TRIM44: variants seen among roughly 807,000 people sequenced by gnomAD.
The protein encoded by TRIM44 is tripartite motif-containing protein 44.
TRIM44 carries 13 observed loss-of-function variants against 37.4 expected under a neutral mutation model. The ratio of observed to expected loss-of-function variants is 0.35; its 90% confidence interval spans 0.23 to 0.55. The LOEUF is 0.55. Ranked by LOEUF, TRIM44 falls within the 20% of genes least tolerant of loss-of-function variation. The probability of loss-of-function intolerance (pLI) is 0.89; values close to 1 mark genes in which losing one functional copy is unlikely to be tolerated. For synonymous variants in TRIM44, 175 were observed against 157.2 expected (o/e 1.11, Z -0.85); for missense variants, 426 against 437.2 (o/e 0.97, Z 0.23).
intron 2 of TRIM44, among the ~76,000 whole-genome samples, chr11:35,700,239 T>C (rs1042470119): frequency 1.3e-5 from 2 of 152,262 alleles, no homozygotes; most frequent in Non-Finnish European, 2.9e-5. Flanking sequence ...TTTATTTCTA[T>C]GTTCAATTTA....
chr11:35,804,618 C>T (rs754824416), intron 4 of TRIM44, among the ~76,000 whole-genome samples: 27 of 152,142 alleles, frequency 1.8e-4, no homozygotes, highest in African/African-American at 5.8e-4. Context: ...GAGAATATGA[C>T]GCCAGTTCCA....
chr11:35,813,674 A>C lies in TRIM44; in HGVS notation c.*7289A>C, dbSNP rs1488894621. ...TCACTGTATCATGGGACAATATTCT[A>C]TTTAAAATGATGACCCTGTGCACCA... On this transcript the variant is annotated 3_prime_UTR_variant, in exon 5 of 5. Transcript: ENST00000299413. 6.6e-6 allele frequency: 1 copy of C among 152,138 alleles called. No homozygotes were observed. The highest frequency in any genetic ancestry group is 1.5e-5 in the Non-Finnish European group (1 of 68,014). 9.4% of individuals were successfully genotyped at this position (152,138 alleles called of 1,614,324 possible).
chr11:35,727,890 T>G (rs1852202215), intron 3 of TRIM44, among the ~76,000 whole-genome samples: 1 of 152,220 alleles, frequency 6.6e-6, no homozygotes, highest in South Asian at 2.1e-4. Flanking sequence ...AATGTCAAGA[T>G]GGTCAGTTTG....
chr11:35,780,495 C>T (rs145245429), intron 4 of TRIM44, among the ~76,000 whole-genome samples: 4 of 152,284 alleles, frequency 2.6e-5, no homozygotes, highest in African/African-American at 9.6e-5. Flanking sequence ...AGGGATTCTA[C>T]ATTGCTTTTT....
chr11:35,705,671 A>C (rs1426364362), intron 2 of TRIM44, among the ~76,000 whole-genome samples: 1 of 148,726 alleles, frequency 6.7e-6, no homozygotes, highest in African/African-American at 2.4e-5. Flanking sequence ...TACTGGGTAC[A>C]TAACAAAATG....
At chr11:35,680,892 A>G (rs1030335132) in intron 1 of TRIM44, among the ~76,000 whole-genome samples, 8 of 151,278 alleles carry the variant, frequency 5.3e-5, no homozygotes, top group African/African-American at 1.9e-4. Flanking sequence ...TGCATTTCAC[A>G]TTTCTATTTT....
At position 35,812,209 on chromosome 11, in the gene TRIM44, A is replaced by G. The variant is rs1220040109; in HGVS notation, c.*5824A>G. 6.6e-6 allele frequency: 1 copy of G among 152,072 alleles called. No individual in the cohort carries two copies. Among genetic ancestry groups the G allele is most frequent in the African/African-American group, 2.4e-5 (1 of 41,366 alleles). The allele number at this position is 152,072 out of a possible 1,614,324, so 9.4% of individuals were successfully genotyped here. A position where few individuals can be genotyped will look rare whatever the true frequency, so the allele number is the denominator to read the frequency against. ...GGTCCAACATGGCCCCATTTCCTTT[A>G]TACTCATAAAAAGGTAGAATTTCAG... On this transcript the variant is annotated 3_prime_UTR_variant, in exon 5 of 5. Coordinates refer to ENST00000299413, the MANE Select transcript of TRIM44 (RefSeq NM_017583.6).
In TRIM44 at chr11:35,662,990, CG is replaced by C; in HGVS notation, c.-120del. ...CCAGGTCCCGCTTCGAGACGCGGCGCGGTCCAGGCGGGAGGCGACTCCCTAG... is the reference window on the plus strand; with the variant it reads ...CCAGGTCCCGCTTCGAGACGCGGCGCGTCCAGGCGGGAGGCGACTCCCTAG... On this transcript the variant is annotated 5_prime_UTR_variant, in exon 1 of 5. Transcript: ENST00000299413. 2.2e-6 allele frequency: 3 copies of C among 1,373,358 alleles called. No individual in the cohort carries two copies. Among genetic ancestry groups the C allele is most frequent in the Non-Finnish European group, 2.8e-6 (3 of 1,068,596 alleles). The allele number at this position is 1,373,358 out of a possible 1,614,324, so 85.1% of individuals were successfully genotyped here.
chr11:35,688,019 A>G (rs1851600728), intron 2 of TRIM44, among the ~76,000 whole-genome samples: 1 of 152,226 alleles, frequency 6.6e-6, no homozygotes, highest in Non-Finnish European at 1.5e-5. Context: ...ACTTAAATAT[A>G]TAATTTCTGC....
chr11:35,669,635 C>G (rs1305389095), intron 1 of TRIM44, among the ~76,000 whole-genome samples: 2 of 151,950 alleles, frequency 1.3e-5, no homozygotes, highest in African/African-American at 4.8e-5. Flanking sequence ...ACCACCATGC[C>G]CAGCTAATTT....
intron 4 of TRIM44, among the ~76,000 whole-genome samples, chr11:35,805,532 G>C (rs1431579077): frequency 6.6e-6 from 1 of 152,140 alleles, no homozygotes; most frequent in Non-Finnish European, 1.5e-5. Flanking sequence ...CTAACATCTG[G>C]AATAACCTGG....
chr11:35,792,111 A>ACTCTCT lies in TRIM44; in HGVS notation c.1008-14243_1008-14238dup, dbSNP rs775490025. Among the ~76,000 whole-genome samples, 367 of 113,874 alleles carry ACTCTCT rather than the reference A, an allele frequency of 3.2e-3. 3 individuals are homozygous for ACTCTCT. Among genetic ancestry groups the ACTCTCT allele is most frequent in the Middle Eastern group, 7.8e-3 (2 of 258 alleles). The allele number at this position is 113,874 out of a possible 152,430, so 74.7% of individuals were successfully genotyped here. A position where few individuals can be genotyped will look rare whatever the true frequency, so the allele number is the denominator to read the frequency against. ...CACACACACACACACACACACACAC[A>ACTCTCT]CTCTCTCTCATCATTCTCTATTCCA... is the stretch of plus-strand genomic sequence containing the variant. On this transcript the variant is annotated intron_variant, in intron 4 of 4. Coordinates refer to ENST00000299413, the MANE Select transcript of TRIM44 (RefSeq NM_017583.6).
chr11:35,793,674 G>C lies in TRIM44; in HGVS notation c.1008-12684G>C, dbSNP rs931106785. 2.6e-5 allele frequency among the ~76,000 whole-genome samples: 4 copies of C among 152,172 alleles called. No individual in the cohort carries two copies. In the East Asian group the frequency reaches 5.8e-4, roughly 22 times the overall value. On this transcript the variant is annotated intron_variant, in intron 4 of 4. Coordinates refer to ENST00000299413, the MANE Select transcript of TRIM44 (RefSeq NM_017583.6). ...GTACCAGTTACCTCCTCTGCTACTA[G>C]TAATGAGGCATTACCAATAACCCAG...
chr11:35,665,369 TTGC>T (rs1220082275), intron 1 of TRIM44, among the ~76,000 whole-genome samples: 5 of 152,158 alleles, frequency 3.3e-5, no homozygotes, highest in Non-Finnish European at 7.3e-5. Context: ...AGAGTTCCTG[TTGC>T]TCTGTATCTT....
At position 35,811,580 on chromosome 11, in the gene TRIM44, C is replaced by A. The variant is rs1853527918; in HGVS notation, c.*5195C>A. The stretch of plus-strand genomic sequence containing the variant: ...GCAATTCCAAGCTGGTTTGAAGGAC[C>A]AGAGGTTGCATTGAAATCAGAAGTC... On this transcript the variant is annotated 3_prime_UTR_variant, in exon 5 of 5. Transcript: ENST00000299413. 1 of 152,036 alleles carries A rather than the reference C, an allele frequency of 6.6e-6. No individual in the cohort carries two copies. Among genetic ancestry groups the A allele is most frequent in the Admixed American group, 6.6e-5 (1 of 15,264 alleles). 9.4% of individuals were successfully genotyped at this position (152,036 alleles called of 1,614,324 possible).
chr11:35,800,467 A>C (rs1853351037), intron 4 of TRIM44, among the ~76,000 whole-genome samples: 1 of 152,192 alleles, frequency 6.6e-6, no homozygotes. Flanking sequence ...GCATTTTTAC[A>C]GAGTGCTGAT....
chr11:35,745,645 T>G (rs531507216), intron 4 of TRIM44, among the ~76,000 whole-genome samples: 1 of 152,312 alleles, frequency 6.6e-6, no homozygotes, highest in Admixed American at 6.5e-5. Flanking sequence ...AGATAATTAT[T>G]TACCCCATTA....
chr11:35,670,869 T>G (rs1449315394), intron 1 of TRIM44, among the ~76,000 whole-genome samples: 2 of 152,234 alleles, frequency 1.3e-5, no homozygotes, highest in Non-Finnish European at 2.9e-5. Flanking sequence ...CATTTGCTCT[T>G]TTAGGTAGCT....
In TRIM44 at chr11:35,668,799, C is replaced by T. The variant is rs184420235; in HGVS notation, c.669+5019C>T. On this transcript the variant is annotated intron_variant, in intron 1 of 4. Coordinates refer to ENST00000299413, the MANE Select transcript of TRIM44 (RefSeq NM_017583.6). ...CTATGGACTCAATTTCTTTAATAGT[C>T]ATAGGTCTGTCTAGGTTGTCTATTT... 3.3e-5 allele frequency among the ~76,000 whole-genome samples: 5 copies of T among 152,274 alleles called. No individual in the cohort carries two copies. The East Asian group carries it at 9.6e-4, about 29-fold the overall frequency.
Sources: gnomAD v4.1 joint callset for allele counts (sites outside exome capture counted in the v4.1 genomes callset) on GRCh38, gnomAD v4.1.1 for gene constraint, MANE v1.5 for transcripts, NCBI Gene and HGNC (gene_info 2026-07-23, HGNC 2026-07-21) for gene names.